The following DDX60L variants were observed in gnomAD, a reference collection of about 807,000 sequenced individuals.
DDX60L encodes the protein probable ATP-dependent RNA helicase DDX60-like.
Under a neutral mutation model 211.6 loss-of-function variants are expected in DDX60L, and 191 were observed. The observed-to-expected ratio is 0.90, with a 90% confidence interval of 0.80 to 1.02. DDX60L has a LOEUF of 1.02. Ranked by LOEUF, DDX60L falls within the 50% of genes least tolerant of loss-of-function variation. The probability of loss-of-function intolerance (pLI) is 0.00; values close to 1 mark genes in which losing one functional copy is unlikely to be tolerated. For synonymous variants in DDX60L, 706 were observed against 694.1 expected (o/e 1.02, Z -0.27); for missense variants, 2,007 against 1,984.1 (o/e 1.01, Z -0.22).
intron 33 of DDX60L, among the ~76,000 whole-genome samples, chr4:168,376,791 T>C (rs1742021699): frequency 6.6e-6 from 1 of 152,198 alleles, no homozygotes; most frequent in Non-Finnish European, 1.5e-5. Context: ...TACAGCCCCA[T>C]CAGGAGAGCA....
At chr4:168,393,910 T>G (rs1334782089) in intron 28 of DDX60L, among the ~76,000 whole-genome samples, 1 of 152,084 alleles carries the variant, frequency 6.6e-6, no homozygotes, top group Non-Finnish European at 1.5e-5. Context: ...AGTAAAGGGT[T>G]ATGACCAGGC....
intron 4 of DDX60L, chr4:168,470,881 A>G (rs985592768): frequency 3.8e-6 from 1 of 264,858 alleles, no homozygotes; most frequent in South Asian, 3.4e-5. Flanking sequence ...AAAACTCAAG[A>G]AGGCAATAGA....
At chr4:168,422,500 A>G in intron 16 of DDX60L, 24 bp downstream of exon 16, 1 of 1,593,352 alleles carries the variant, frequency 6.3e-7, no homozygotes, top group Non-Finnish European at 8.5e-7. Flanking sequence ...CTGATTAGAA[A>G]AGTACAATGT....
rs149278398 is a variant in DDX60L, at chr4:168,389,023, T to C, written c.3915+2517A>G. On this transcript the variant is annotated intron_variant, in intron 29 of 37. Transcript: ENST00000682922. ...TTGCTTATGGGAAAGAAGTGACTCA[T>C]TGGGACCCAGGCAGCAGACTGTGGT... Among the ~76,000 whole-genome samples, 487 of 152,262 alleles carry C rather than the reference T, an allele frequency of 3.2e-3. 3 individuals are homozygous for C. Among genetic ancestry groups the C allele is most frequent in the Middle Eastern group, 6.8e-3 (2 of 294 alleles).
In DDX60L at chr4:168,400,878, C is replaced by T; in HGVS notation, c.3439G>A (p.Val1147Ile). Residue 1147 changes from valine (V) to isoleucine (I), a missense_variant, in exon 26 of 38, where the codon GTC becomes ATC. Transcript: ENST00000682922. ...TCAAGTACTTCATCTATTGCAAAGACATAACTATGACATTCAGTGTGGGGA... is the reference window on the plus strand; with the variant it reads ...TCAAGTACTTCATCTATTGCAAAGATATAACTATGACATTCAGTGTGGGGA... ...SHPHTECHSY[V>I]FAIDEVLEKV... 1 of 1,613,692 alleles carries T rather than the reference C, an allele frequency of 6.2e-7. No homozygotes were observed. Among genetic ancestry groups the T allele is most frequent in the Non-Finnish European group, 8.5e-7 (1 of 1,179,670 alleles).
chr4:168,423,663 T>C lies in DDX60L; in HGVS notation c.2042A>G (p.Lys681Arg), dbSNP rs765855626. 1.2e-6 allele frequency: 2 copies of C among 1,601,864 alleles called. No individual in the cohort carries two copies. The highest frequency in any genetic ancestry group is 1.7e-6 in the Non-Finnish European group (2 of 1,174,112). Residue 681 changes from lysine to arginine, a missense_variant, in exon 15 of 38, where the codon AAA (lysine) becomes AGA (arginine). By Grantham distance (26) the Lys-to-Arg change is conservative (BLOSUM62 2). Transcript: ENST00000682922. ...LEAEHHQYIA[K>R]CLKYLGFNDL... The stretch of plus-strand genomic sequence containing the variant: ...ATTAAAGCCTAAATATTTAAGGCAT[T>C]TAGCTATATATTGATGATGTTCTGC...
At chr4:168,392,837 T>C (rs1479881789) in intron 28 of DDX60L, among the ~76,000 whole-genome samples, 2 of 127,666 alleles carry the variant, frequency 1.6e-5, no homozygotes, top group African/African-American at 6.2e-5. Context: ...TGAAACTCTG[T>C]CTCAAAAAAA....
At chr4:168,405,322 T>A (rs950522255) in intron 24 of DDX60L, among the ~76,000 whole-genome samples, 2 of 152,144 alleles carry the variant, frequency 1.3e-5, no homozygotes, top group African/African-American at 4.8e-5. Context: ...CATACCATTT[T>A]TATCTTTATT....
intron 33 of DDX60L, among the ~76,000 whole-genome samples, chr4:168,376,673 C>T (rs1268345848): frequency 6.6e-6 from 1 of 152,198 alleles, no homozygotes; most frequent in Non-Finnish European, 1.5e-5. Flanking sequence ...ACTGCTATGC[C>T]TTCCATGTCC....
rs188328467 is a variant in DDX60L, at chr4:168,398,905, T to A, written c.3491+1921A>T. Among the ~76,000 whole-genome samples, 9 of 151,300 alleles carry A rather than the reference T, an allele frequency of 5.9e-5. No individual in the cohort carries two copies. The East Asian group carries it at 1.4e-3, about 23-fold the overall frequency. ...CAAAGAGGAGTGACCCACTCCAGGG[T>A]CTTCTCTCCACTGAGAGCTAAGCAC... On this transcript the variant is annotated intron_variant, in intron 26 of 37. Transcript: ENST00000682922.
Position 168,364,212 on chromosome 4 carries a change from G to A in DDX60L, c.4929-3001C>T, listed in dbSNP as rs1206419885. On this transcript the variant is annotated intron_variant, in intron 36 of 37. Transcript: ENST00000682922. Reference sequence around the variant, plus strand: ...AGCATAGAATGAAAGTGAAGGAAGGGACAAAGATATCCCATGCAAAGAGAA... The same window carrying A: ...AGCATAGAATGAAAGTGAAGGAAGGAACAAAGATATCCCATGCAAAGAGAA... Among the ~76,000 whole-genome samples, 4 of 152,050 alleles carry A rather than the reference G, an allele frequency of 2.6e-5. 1 individual carries two copies. The highest frequency in any genetic ancestry group is 9.7e-5 in the African/African-American group (4 of 41,396).
At chr4:168,412,649 A>C (rs534020254) in intron 22 of DDX60L, among the ~76,000 whole-genome samples, 9 of 152,296 alleles carry the variant, frequency 5.9e-5, no homozygotes, top group East Asian at 3.9e-4. Context: ...CCACCTACTG[A>C]TTGTAGAGTC....
intron 14 of DDX60L, among the ~76,000 whole-genome samples, chr4:168,425,766 C>T (rs917068780): frequency 1.3e-5 from 2 of 150,424 alleles, no homozygotes; most frequent in East Asian, 3.9e-4. Context: ...GACTCCATCC[C>T]AAAAAAAAGA....
At chr4:168,437,258 G>A (rs1442551296) in intron 10 of DDX60L, among the ~76,000 whole-genome samples, 1 of 152,118 alleles carries the variant, frequency 6.6e-6, no homozygotes, top group Non-Finnish European at 1.5e-5. Context: ...TCTGGATTAG[G>A]GTGAGGCCTA....
chr4:168,366,020 C>G (rs185207537), intron 36 of DDX60L, among the ~76,000 whole-genome samples: 2 of 152,186 alleles, frequency 1.3e-5, no homozygotes, highest in Admixed American at 1.3e-4. Context: ...AAGATATGTA[C>G]GTCAACACAA....
chr4:168,406,341 C>T (rs560650264), intron 23 of DDX60L, among the ~76,000 whole-genome samples: 1 of 151,992 alleles, frequency 6.6e-6, no homozygotes, highest in East Asian at 1.9e-4. Flanking sequence ...GAATATAAGT[C>T]CAAAAACACA....
intron 4 of DDX60L, among the ~76,000 whole-genome samples, chr4:168,467,306 G>T (rs1758119683): frequency 1.3e-5 from 2 of 152,034 alleles, no homozygotes; most frequent in South Asian, 2.1e-4. Flanking sequence ...CTACTCAGGA[G>T]GCTGAGGTGG....
intron 30 of DDX60L, among the ~76,000 whole-genome samples, chr4:168,382,254 C>G (rs1409746462): frequency 6.6e-6 from 1 of 152,178 alleles, no homozygotes; most frequent in Non-Finnish European, 1.5e-5. Flanking sequence ...ACATCTAGTT[C>G]AACATAACTG....
chr4:168,391,764 A>T (rs928978913), intron 28 of DDX60L, 120 bp from the exon 29 acceptor site: 1 of 536,652 alleles, frequency 1.9e-6, no homozygotes. Flanking sequence ...ACATGTCATT[A>T]AAACTAACAT....
Sources: allele counts gnomAD v4.1 joint callset (sites outside exome capture counted in the v4.1 genomes callset), GRCh38; gene constraint gnomAD v4.1.1; transcripts MANE v1.5; gene names NCBI Gene and HGNC (gene_info 2026-07-23, HGNC 2026-07-21).